PRNP: variants seen among roughly 807,000 people sequenced by gnomAD.
The protein encoded by PRNP is prion protein (Kanno blood group), also known as major prion protein.
PRNP carries 15 observed loss-of-function variants against 21.3 expected under a neutral mutation model. The ratio of observed to expected loss-of-function variants is 0.71; its 90% CI spans 0.47 to 1.09. The LOEUF (loss-of-function observed/expected upper bound fraction) is 1.09. Among genes scored for constraint, PRNP ranks in the 50% least tolerant of loss-of-function variants. The probability of loss-of-function intolerance (pLI) is 0.00; values close to 1 mark genes in which losing one functional copy is unlikely to be tolerated. For missense variants in PRNP, 285 were observed against 340.9 expected (o/e 0.84, Z 1.29); for synonymous variants, 121 against 123.1 (o/e 0.98, Z 0.11).
chr20:4,690,735 T>A (rs6107515), intron 1 of PRNP, among the ~76,000 whole-genome samples: 1 of 152,080 alleles, frequency 6.6e-6, no homozygotes, highest in African/African-American at 2.4e-5. Context: ...TAGAAAGAGA[T>A]CTTTTCCTCT....
rs768608819 is a variant in PRNP, at chr20:4,699,895, T to C, written c.675T>C (p.Tyr225=). 1.2e-5 allele frequency: 20 copies of C among 1,614,022 alleles called. No individual in the cohort carries two copies. The South Asian group carries it at 1.9e-4, about 15-fold the overall frequency. Reference sequence around the variant, plus strand: ...AGTACGAGAGGGAATCTCAGGCCTATTACCAGAGAGGATCGAGCATGGTCC... The same window carrying C: ...AGTACGAGAGGGAATCTCAGGCCTACTACCAGAGAGGATCGAGCATGGTCC... The part of the protein sequence containing the change: ...ITQYERESQA[Y]YQRGSSMVLF... The change falls in exon 2 of 2, where the codon TAT becomes TAC. Residue 225 remains tyrosine (Y), a synonymous_variant. Coordinates refer to ENST00000379440, the MANE Select transcript of PRNP (RefSeq NM_000311.5). This position sits in a 1 kb window ranked among gnomAD's most constrained non-coding sequence, Gnocchi z 5.8.
intron 1 of PRNP, among the ~76,000 whole-genome samples, chr20:4,696,010 C>T (rs984349848): frequency 2.0e-5 from 3 of 152,148 alleles, no homozygotes; most frequent in Admixed American, 6.5e-5. Flanking sequence ...TTGGTCTCTC[C>T]GTCTATTCCT....
In PRNP at chr20:4,692,392, T is replaced by G. The variant is rs1227550588; in HGVS notation, c.-11+5880T>G. ...CTACCACCCTGTTGAGCTCATGTAT[T>G]TATTCTAAGACATTTTTTGAGATTT... On this transcript the variant is annotated intron_variant, in intron 1 of 1. Coordinates refer to ENST00000379440, the MANE Select transcript of PRNP (RefSeq NM_000311.5). Among the ~76,000 whole-genome samples the G allele has an allele frequency of 2.6e-5, 4 of 152,222 alleles. No homozygotes were observed. The East Asian group carries it at 7.7e-4, about 29-fold the overall frequency.
At chr20:4,698,012 T>C (rs968991490) in intron 1 of PRNP, among the ~76,000 whole-genome samples, 7 of 152,016 alleles carry the variant, frequency 4.6e-5, no homozygotes, top group Non-Finnish European at 1.0e-4. Context: ...TAAAAGCCCT[T>C]TAGACTGAAA....
In PRNP at chr20:4,699,293, C is replaced by T. The variant is rs751211144; in HGVS notation, c.73C>T (p.Arg25Cys). Residue 25 changes from arginine (R) to cysteine (C), a missense_variant, in exon 2 of 2, where the codon CGC becomes TGC. Transcript: ENST00000379440. The surrounding 1 kb of genome is among the most constrained non-coding windows in gnomAD (Gnocchi z 5.8). The part of the protein sequence containing the change: ...TWSDLGLCKK[R>C]PKPGGWNTGG... ...GAGTGACCTGGGCCTCTGCAAGAAGCGCCCGAAGCCTGGAGGATGGAACAC... is the reference window on the plus strand; with the variant it reads ...GAGTGACCTGGGCCTCTGCAAGAAGTGCCCGAAGCCTGGAGGATGGAACAC... 1.9e-6 allele frequency: 3 copies of T among 1,614,108 alleles called. No homozygotes were observed. The highest frequency in any genetic ancestry group is 2.5e-6 in the Non-Finnish European group (3 of 1,180,050).
chr20:4,699,510 G>A lies in PRNP; in HGVS notation c.290G>A (p.Ser97Asn), dbSNP rs56362942. ...TGGGGTCAAGGAGGTGGCACCCACAGTCAGTGGAACAAGCCGAGTAAGCCA... is the reference window on the plus strand; with the variant it reads ...TGGGGTCAAGGAGGTGGCACCCACAATCAGTGGAACAAGCCGAGTAAGCCA... ...GGWGQGGGTHSQWNKPSKPKT... is the reference protein window; with the variant it reads ...GGWGQGGGTHNQWNKPSKPKT... Residue 97 changes from serine (S) to asparagine (N), a missense_variant, in exon 2 of 2, where the codon AGT becomes AAT. By Grantham distance (46) the Ser-to-Asn change is conservative. Coordinates refer to ENST00000379440, the MANE Select transcript of PRNP (RefSeq NM_000311.5). The surrounding 1 kb of genome is among the most constrained non-coding windows in gnomAD (Gnocchi z 5.8). 6.8e-6 allele frequency: 11 copies of A among 1,613,822 alleles called. No individual in the cohort carries two copies. The highest frequency in any genetic ancestry group is 1.6e-4 in the Middle Eastern group (1 of 6,080).
intron 1 of PRNP, among the ~76,000 whole-genome samples, chr20:4,698,314 T>G (rs117087434): frequency 0.013 from 1,911 of 152,324 alleles, 16 homozygotes; most frequent in Non-Finnish European, 0.019. Flanking sequence ...GGATGTTAAT[T>G]TATTTATTTG....
chr20:4,689,503 A>G (rs1305219391), intron 1 of PRNP, among the ~76,000 whole-genome samples: 1 of 152,222 alleles, frequency 6.6e-6, no homozygotes, highest in East Asian at 1.9e-4. Flanking sequence ...TAACAATAAT[A>G]ACATAACAGA....
At chr20:4,696,262 G>A (rs144914126) in intron 1 of PRNP, among the ~76,000 whole-genome samples, 180 of 152,080 alleles carry the variant, frequency 1.2e-3, no homozygotes, top group African/African-American at 4.1e-3. Context: ...CTGAGTTATC[G>A]CCATCAAGAC....
chr20:4,699,389 TG>T lies in PRNP; in HGVS notation c.174del (p.Gln59SerfsTer51). On this transcript the variant is annotated frameshift_variant, in exon 2 of 2. Coordinates refer to ENST00000379440, the MANE Select transcript of PRNP (RefSeq NM_000311.5). LOFTEE classifies it high-confidence loss of function. The surrounding 1 kb of genome is among the most constrained non-coding windows in gnomAD (Gnocchi z 5.8). ...NRYPPQGGGG[W>X]GQPHGGGWGQ... ...CTACCCACCTCAGGGCGGTGGTGGC[TG>T]GGGGCAGCCTCATGGTGGTGGCTGG... The T allele has an allele frequency of 6.2e-7, 1 of 1,608,446 alleles. No homozygotes were observed. Among genetic ancestry groups the T allele is most frequent in the South Asian group, 1.1e-5 (1 of 90,288 alleles).
Position 4,699,750 on chromosome 20 carries a change from A to C in PRNP, c.530A>C (p.His177Pro). 1 of 1,614,092 alleles carries C rather than the reference A, an allele frequency of 6.2e-7. No individual in the cohort carries two copies. The highest frequency in any genetic ancestry group is 8.5e-7 in the Non-Finnish European group (1 of 1,180,024). Reference sequence around the variant, plus strand: ...TACAGCAACCAGAACAACTTTGTGCACGACTGCGTCAATATCACAATCAAG... The same window carrying C: ...TACAGCAACCAGAACAACTTTGTGCCCGACTGCGTCAATATCACAATCAAG... ...DEYSNQNNFV[H>P]DCVNITIKQH... Residue 177 changes from histidine to proline, a missense_variant, in exon 2 of 2, where the codon CAC (histidine) becomes CCC (proline). Transcript: ENST00000379440. The surrounding 1 kb of genome is among the most constrained non-coding windows in gnomAD (Gnocchi z 5.8).
At chr20:4,692,026 A>G (rs548274596) in intron 1 of PRNP, among the ~76,000 whole-genome samples, 1 of 152,254 alleles carries the variant, frequency 6.6e-6, no homozygotes, top group East Asian at 1.9e-4. Flanking sequence ...TTCTTTCTAA[A>G]TCTCCCGTCC....
chr20:4,699,685 C>T lies in PRNP; in HGVS notation c.465C>T (p.His155=), dbSNP rs1568534986. The change falls in exon 2 of 2, where the codon CAC becomes CAT. Residue 155 remains histidine (H), a synonymous_variant. Coordinates refer to ENST00000379440, the MANE Select transcript of PRNP (RefSeq NM_000311.5). This position sits in a 1 kb window ranked among gnomAD's most constrained non-coding sequence, Gnocchi z 5.8. ...ACCGTTACTATCGTGAAAACATGCA[C>T]CGTTACCCCAACCAAGTGTACTACA... ...YEDRYYRENM[H]RYPNQVYYRP... 1.2e-6 allele frequency: 2 copies of T among 1,614,100 alleles called. No homozygotes were observed. Among genetic ancestry groups the T allele is most frequent in the Non-Finnish European group, 1.7e-6 (2 of 1,180,022 alleles).
intron 1 of PRNP, among the ~76,000 whole-genome samples, chr20:4,696,261 C>T (rs563929604): frequency 2.0e-5 from 3 of 152,162 alleles, no homozygotes; most frequent in African/African-American, 2.4e-5. Flanking sequence ...ACTGAGTTAT[C>T]GCCATCAAGA....
intron 1 of PRNP, among the ~76,000 whole-genome samples, chr20:4,687,177 G>T (rs1353793064): frequency 1.3e-5 from 2 of 152,146 alleles, no homozygotes; most frequent in Non-Finnish European, 2.9e-5. Flanking sequence ...CTTCTCCGAG[G>T]GGGGCTGCAG....
intron 1 of PRNP, among the ~76,000 whole-genome samples, chr20:4,698,097 C>A (rs951014762): frequency 6.6e-6 from 1 of 152,014 alleles, no homozygotes; most frequent in Non-Finnish European, 1.5e-5. Flanking sequence ...AAGAGCTGGG[C>A]CTCACGAGAT....
At position 4,699,511 on chromosome 20, in the gene PRNP, T is replaced by A; in HGVS notation, c.291T>A (p.Ser97Arg). The A allele has an allele frequency of 1.2e-6, 2 of 1,613,378 alleles. No homozygotes were observed. The highest frequency in any genetic ancestry group is 1.7e-6 in the Non-Finnish European group (2 of 1,179,776). The part of the protein sequence containing the change: ...GGWGQGGGTH[S>R]QWNKPSKPKT... ...GGGGTCAAGGAGGTGGCACCCACAG[T>A]CAGTGGAACAAGCCGAGTAAGCCAA... The change falls in exon 2 of 2, where the codon AGT becomes AGA. Residue 97 changes from serine (S) to arginine (R), a missense_variant. By Grantham distance (110) the Ser-to-Arg change is moderately radical. Coordinates refer to ENST00000379440, the MANE Select transcript of PRNP (RefSeq NM_000311.5). The surrounding 1 kb of genome is among the most constrained non-coding windows in gnomAD (Gnocchi z 5.8).
At chr20:4,692,464 T>C (rs900164009) in intron 1 of PRNP, among the ~76,000 whole-genome samples, 2 of 152,192 alleles carry the variant, frequency 1.3e-5, no homozygotes, top group African/African-American at 4.8e-5. Flanking sequence ...AACAACCTAA[T>C]AGCATAAAAG....
At chr20:4,689,108 C>G (rs1921662455) in intron 1 of PRNP, among the ~76,000 whole-genome samples, 1 of 152,056 alleles carries the variant, frequency 6.6e-6, no homozygotes, top group Admixed American at 6.5e-5. Context: ...ATTCATTTAT[C>G]AATTCTAGTT....
Sources: gnomAD v4.1 joint callset for allele counts (sites outside exome capture counted in the v4.1 genomes callset) on GRCh38, gnomAD v4.1.1 for gene constraint, Gnocchi (gnomAD v3.1) non-coding constraint, MANE v1.5 for transcripts, NCBI Gene and HGNC (gene_info 2026-07-23, HGNC 2026-07-21) for gene names.